BIK: variants seen among roughly 807,000 people sequenced by gnomAD.
BIK encodes the protein bcl-2-interacting killer.
BIK carries 14 observed loss-of-function variants against 12.1 expected under a neutral mutation model. That is an observed-to-expected ratio of 1.16 (90% confidence interval 0.77 to 1.81). The LOEUF is 1.81. Ranked by LOEUF, BIK falls within the 40% of genes most tolerant of loss-of-function variation. The pLI, the probability that BIK is intolerant of heterozygous loss-of-function variation, is 0.00. For missense variants in BIK, 215 were observed against 207.9 expected (o/e 1.03, Z -0.21); for synonymous variants, 86 against 92.3 (o/e 0.93, Z 0.39).
At chr22:43,118,957 G>A (rs1037295857) in intron 1 of BIK, among the ~76,000 whole-genome samples, 2 of 151,994 alleles carry the variant, frequency 1.3e-5, no homozygotes, top group African/African-American at 4.8e-5. Flanking sequence ...GGCTTGGGAG[G>A]TAGATGGCGT....
chr22:43,129,471 G>GTTTTTTTT lies in BIK; in HGVS notation c.*169_*176dup. 1 of 1,057,322 alleles carries GTTTTTTTT rather than the reference G, an allele frequency of 9.5e-7. No individual in the cohort carries two copies. The highest frequency in any genetic ancestry group is 1.3e-6 in the Non-Finnish European group (1 of 791,996). The allele number at this position is 1,057,322 out of a possible 1,614,324, so 65.5% of individuals were successfully genotyped here. On this transcript the variant is annotated 3_prime_UTR_variant, in exon 5 of 5. Coordinates refer to ENST00000216115, the MANE Select transcript of BIK (RefSeq NM_001197.5). ...CTGAGGTTTTATACTCAGGTTTTTT[G>GTTTTTTTT]TTTTTTTTTTATTCCAGTTTTCGTT...
intron 3 of BIK, among the ~76,000 whole-genome samples, chr22:43,128,109 G>A (rs1930356622): frequency 1.3e-5 from 2 of 152,020 alleles, no homozygotes; most frequent in Admixed American, 6.6e-5. Flanking sequence ...GGGGTGCTAC[G>A]TGAGCTCGGA....
chr22:43,116,318 C>G (rs1930112300), intron 1 of BIK, among the ~76,000 whole-genome samples: 1 of 152,058 alleles, frequency 6.6e-6, no homozygotes, highest in Admixed American at 6.6e-5. Flanking sequence ...CTCTGTCGCC[C>G]AGGCTGGAGT....
intron 3 of BIK, among the ~76,000 whole-genome samples, chr22:43,128,261 T>TGGCG (rs1461088953): frequency 3.3e-5 from 5 of 152,086 alleles, no homozygotes; most frequent in Non-Finnish European, 1.5e-5. Context: ...CCCGGTGGGC[T>TGGCG]GGCGGGCGGC....
Position 43,128,551 on chromosome 22 carries a change from A to T in BIK, c.316A>T (p.Ser106Cys). ...QTEDIRDVLRSFMDGFTTLKE... is the reference protein window; with the variant it reads ...QTEDIRDVLRCFMDGFTTLKE... ...TGAGGACATCAGGGATGTTCTTAGA[A>T]GTTTCATGGACGGTTTCACCACACT... The change falls in exon 4 of 5, where the codon AGT becomes TGT. Residue 106 changes from serine (S) to cysteine (C), a missense_variant. Ser to Cys is a moderately radical substitution (Grantham distance 112, BLOSUM62 -1). Transcript: ENST00000216115. 1 of 1,614,006 alleles carries T rather than the reference A, an allele frequency of 6.2e-7. No individual in the cohort carries two copies. Among genetic ancestry groups the T allele is most frequent in the South Asian group, 1.1e-5 (1 of 91,090 alleles).
At chr22:43,127,398 T>C (rs735574) in intron 2 of BIK, among the ~76,000 whole-genome samples, 6,648 of 152,278 alleles carry the variant, frequency 0.044, 484 homozygotes, top group African/African-American at 0.15. Context: ...CAGACCTGCC[T>C]GTTCCCCTTG....
chr22:43,123,771 C>T (rs1930260541), intron 1 of BIK, among the ~76,000 whole-genome samples: 1 of 152,088 alleles, frequency 6.6e-6, no homozygotes, highest in Non-Finnish European at 1.5e-5. Flanking sequence ...AGAAAGGGCC[C>T]TTATGAATCA....
At chr22:43,116,402 A>C (rs1486073718) in intron 1 of BIK, among the ~76,000 whole-genome samples, 1 of 152,080 alleles carries the variant, frequency 6.6e-6, no homozygotes, top group Non-Finnish European at 1.5e-5. Flanking sequence ...TGTGCTCTTA[A>C]AGTGCTGGGA....
Position 43,128,158 on chromosome 22 carries a change from G to A in BIK, c.261-338G>A, listed in dbSNP as rs548598728. On this transcript the variant is annotated intron_variant, in intron 3 of 4. Coordinates refer to ENST00000216115, the MANE Select transcript of BIK (RefSeq NM_001197.5). ...GGGCTGGGCCTCTCAGCGAGTCTCC[G>A]GTGGGGGAATAGAGTGGGCAGTGGC... is the stretch of plus-strand genomic sequence containing the variant. 2.3e-4 allele frequency among the ~76,000 whole-genome samples: 35 copies of A among 152,144 alleles called. No homozygotes were observed. In the South Asian group the frequency reaches 3.5e-3, roughly 15 times the overall value.
intron 1 of BIK, among the ~76,000 whole-genome samples, chr22:43,123,123 T>C (rs1301483030): frequency 6.6e-6 from 1 of 152,202 alleles, no homozygotes; most frequent in African/African-American, 2.4e-5. Flanking sequence ...TGTAAGACAC[T>C]GTATGGGGTG....
chr22:43,129,044 G>A (rs1930381726), intron 4 of BIK, among the ~76,000 whole-genome samples, 169 bp from the exon 5 acceptor site: 1 of 152,186 alleles, frequency 6.6e-6, no homozygotes. Context: ...CTCTGGCCAC[G>A]TCCTCAGGGC....
At chr22:43,125,275 G>A (rs1930291927) in intron 2 of BIK, among the ~76,000 whole-genome samples, 1 of 152,168 alleles carries the variant, frequency 6.6e-6, no homozygotes, top group Non-Finnish European at 1.5e-5. Flanking sequence ...TTATGCTGAT[G>A]TCCTATCTCA....
chr22:43,121,600 G>A (rs1251864008), intron 1 of BIK, among the ~76,000 whole-genome samples: 1 of 152,096 alleles, frequency 6.6e-6, no homozygotes. Context: ...TGGAGGTACT[G>A]GGGTCTCCAG....
chr22:43,116,583 C>G (rs12019221), intron 1 of BIK, among the ~76,000 whole-genome samples: 1 of 151,884 alleles, frequency 6.6e-6, no homozygotes, highest in South Asian at 2.1e-4. Flanking sequence ...CTCAGCCTCC[C>G]GAGTAGCTGG....
intron 1 of BIK, among the ~76,000 whole-genome samples, chr22:43,121,440 G>C (rs1043990906): frequency 6.6e-6 from 1 of 152,172 alleles, no homozygotes; most frequent in African/African-American, 2.4e-5. Flanking sequence ...GGTGGCTGGG[G>C]CCTTCTTCCT....
At chr22:43,128,050 G>A (rs1293830832) in intron 3 of BIK, among the ~76,000 whole-genome samples, 3 of 152,108 alleles carry the variant, frequency 2.0e-5, no homozygotes, top group African/African-American at 7.2e-5. Context: ...TTTCTCTCTC[G>A]CCGTCCTCAT....
chr22:43,118,880 C>T (rs4988386), intron 1 of BIK, among the ~76,000 whole-genome samples: 24,144 of 151,966 alleles, frequency 0.16, 2,186 homozygotes, highest in African/African-American at 0.24. Context: ...CCTCGGCCCT[C>T]GAACACCTGC....
At position 43,113,469 on chromosome 22, in the gene BIK, T is replaced by C. The variant is rs185886166; in HGVS notation, c.-8+2666T>C. 6.6e-4 allele frequency among the ~76,000 whole-genome samples: 101 copies of C among 152,210 alleles called. 1 individual carries two copies. The highest frequency in any genetic ancestry group is 6.2e-3 in the Admixed American group (95 of 15,278). ...TGGGAGGCTAAGGCGGGAGAATTGC[T>C]TGAACCCAGGAGGCGGAGATTGCAG... is the stretch of plus-strand genomic sequence containing the variant. On this transcript the variant is annotated intron_variant, in intron 1 of 4. Coordinates refer to ENST00000216115, the MANE Select transcript of BIK (RefSeq NM_001197.5).
intron 1 of BIK, among the ~76,000 whole-genome samples, chr22:43,118,339 C>G (rs911632188): frequency 5.9e-5 from 9 of 152,164 alleles, no homozygotes; most frequent in African/African-American, 2.2e-4. Flanking sequence ...TTGTGTTAAC[C>G]AGCTTTTATG....
Sources: gnomAD v4.1 joint callset for allele counts (sites outside exome capture counted in the v4.1 genomes callset) on GRCh38, gnomAD v4.1.1 for gene constraint, MANE v1.5 for transcripts, NCBI Gene and HGNC (gene_info 2026-07-23, HGNC 2026-07-21) for gene names.